The following PRKN variants were observed in gnomAD, a reference collection of about 807,000 sequenced individuals.
The protein encoded by PRKN is parkin RBR E3 ubiquitin protein ligase.
A neutral mutation model predicts 59.5 loss-of-function variants in PRKN; 56 were observed. That is an observed-to-expected ratio of 0.94 (90% CI 0.76 to 1.18). The LOEUF (loss-of-function observed/expected upper bound fraction) is 1.18, where lower values mean the gene tolerates loss of function less well. PRKN is among the 50% of genes most tolerant of loss of function. PRKN has a pLI of 0.00. For missense variants in PRKN, 657 were observed against 596.4 expected, an observed-to-expected ratio of 1.10 and a Z score of -1.06; for synonymous variants, 250 against 222.1, an observed-to-expected ratio of 1.13 and a Z score of -1.12.
At chr6:162,407,018 G>C (rs1376548948) in intron 2 of PRKN, among the ~76,000 whole-genome samples, 2 of 151,858 alleles carry the variant, frequency 1.3e-5, no homozygotes, top group African/African-American at 4.8e-5. Context: ...TGATAATTTT[G>C]TGCGGACAGT....
At chr6:161,851,593 T>C (rs1793436221) in intron 6 of PRKN, among the ~76,000 whole-genome samples, 1 of 151,742 alleles carries the variant, frequency 6.6e-6, no homozygotes, top group South Asian at 2.1e-4. Flanking sequence ...GTGATTCTCG[T>C]ACGTGCCTCA....
Position 161,760,732 on chromosome 6 carries a change from A to G in PRKN, c.871+25040T>C, listed in dbSNP as rs116091187. 5.9e-3 allele frequency among the ~76,000 whole-genome samples: 901 copies of G among 152,356 alleles called. 11 individuals are homozygous for G. Among genetic ancestry groups the G allele is most frequent in the African/African-American group, 0.021 (860 of 41,582 alleles). On this transcript the variant is annotated intron_variant, in intron 7 of 11. Coordinates refer to ENST00000366898, the MANE Select transcript of PRKN (RefSeq NM_004562.3). ...TGGCTGAACTAAGGAAAAGTCCTGC[A>G]ACATCAGAACCTTCAGTTCCGCATA...
At chr6:161,882,599 T>C (rs1014992442) in intron 6 of PRKN, among the ~76,000 whole-genome samples, 2 of 151,080 alleles carry the variant, frequency 1.3e-5, no homozygotes, top group African/African-American at 2.4e-5. Flanking sequence ...CAAGTTTCAC[T>C]TACTGTGGGA....
chr6:161,661,559 T>TA (rs1384008432), intron 7 of PRKN, among the ~76,000 whole-genome samples: 1 of 151,932 alleles, frequency 6.6e-6, no homozygotes, highest in African/African-American at 2.4e-5. Context: ...GCTTCCATTT[T>TA]TTTTTTTTCT....
At chr6:162,415,559 C>T (rs1788585580) in intron 2 of PRKN, among the ~76,000 whole-genome samples, 1 of 152,138 alleles carries the variant, frequency 6.6e-6, no homozygotes, top group Non-Finnish European at 1.5e-5. Context: ...ATGGCTCACA[C>T]CTGTAATCCC....
intron 1 of PRKN, among the ~76,000 whole-genome samples, chr6:162,707,174 G>C (rs532919074): frequency 1.3e-5 from 2 of 152,216 alleles, no homozygotes; most frequent in East Asian, 3.9e-4. Context: ...CCAAAATCAA[G>C]ATAATTCTTA....
chr6:161,640,337 T>C (rs2315550), intron 7 of PRKN, among the ~76,000 whole-genome samples: 66,785 of 151,846 alleles, frequency 0.44, 15,736 homozygotes, highest in African/African-American at 0.61. Flanking sequence ...ACAGATAAAG[T>C]GAAAATTCCA....
At chr6:162,235,824 G>A (rs62429395) in intron 3 of PRKN, among the ~76,000 whole-genome samples, 1,551 of 147,282 alleles carry the variant, frequency 0.011, 14 homozygotes, top group Non-Finnish European at 0.016. Context: ...GAAAGAAAGA[G>A]AGAGAGAGGG....
intron 4 of PRKN, among the ~76,000 whole-genome samples, chr6:162,091,216 C>T (rs970761170): frequency 1.3e-5 from 2 of 151,636 alleles, no homozygotes; most frequent in African/African-American, 4.8e-5. Flanking sequence ...AGTTACATGA[C>T]ATCTAAAAAT....
rs1554251118 is a variant in PRKN, at chr6:161,352,726, A to AGTGTGTGTATGTGTGT, written c.1286-2516_1286-2515insACACACATACACACAC. On this transcript the variant is annotated intron_variant, in intron 11 of 11. Transcript: ENST00000366898. The surrounding 1 kb of genome is among the most constrained non-coding windows in gnomAD (Gnocchi z 5.8). ...TATATAAACACAAATATGTATGAAG[A>AGTGTGTGTATGTGTGT]GTGTGTGTGTGTGTGTGTGTGTGTG... Among the ~76,000 whole-genome samples, 405 of 128,506 alleles carry AGTGTGTGTATGTGTGT rather than the reference A, an allele frequency of 3.2e-3. 3 individuals are homozygous for AGTGTGTGTATGTGTGT. Among genetic ancestry groups the AGTGTGTGTATGTGTGT allele is most frequent in the Non-Finnish European group, 3.8e-3 (234 of 61,060 alleles). 84.3% of individuals were successfully genotyped at this position (128,506 alleles called of 152,430 possible). A position where few individuals can be genotyped will look rare whatever the true frequency, so the allele number is the denominator to read the frequency against.
intron 1 of PRKN, among the ~76,000 whole-genome samples, chr6:162,679,813 C>A (rs2849531): frequency 6.6e-6 from 1 of 151,766 alleles, no homozygotes; most frequent in Non-Finnish European, 1.5e-5. Flanking sequence ...CCTGGGTGCC[C>A]TCTCTATTTT....
chr6:161,902,560 A>ATCTATTTTTTTTTTTTTT (rs1554245457), intron 6 of PRKN, among the ~76,000 whole-genome samples: 13 of 125,350 alleles, frequency 1.0e-4, no homozygotes, highest in African/African-American at 2.5e-4. Context: ...TTATTTATTT[A>ATCTATTTTTTTTTTTTTT]TTTATTTTTT....
At chr6:162,267,025 A>C (rs1780173940) in intron 2 of PRKN, among the ~76,000 whole-genome samples, 1 of 152,186 alleles carries the variant, frequency 6.6e-6, no homozygotes, top group Non-Finnish European at 1.5e-5. Context: ...GCCAGATGCC[A>C]TGAAACACGT....
At chr6:162,351,129 T>C (rs1784607491) in intron 2 of PRKN, among the ~76,000 whole-genome samples, 1 of 152,160 alleles carries the variant, frequency 6.6e-6, no homozygotes, top group Admixed American at 6.5e-5. Context: ...AGGTTGAGTC[T>C]GCAGTGATCC....
intron 9 of PRKN, among the ~76,000 whole-genome samples, chr6:161,412,362 C>T (rs1562430569): frequency 6.6e-6 from 1 of 150,762 alleles, no homozygotes; most frequent in South Asian, 2.1e-4. Context: ...GTCACTTATT[C>T]CTCCACTCAC....
chr6:162,517,205 A>G (rs1340793090), intron 1 of PRKN, among the ~76,000 whole-genome samples: 1 of 132,032 alleles, frequency 7.6e-6, no homozygotes, highest in Non-Finnish European at 1.6e-5. Context: ...TTAAATCAGA[A>G]TCTCTCGGGG....
intron 5 of PRKN, among the ~76,000 whole-genome samples, chr6:162,021,461 A>ATATTTTT (rs59250759): frequency 8.1e-5 from 2 of 24,662 alleles, no homozygotes; most frequent in African/African-American, 1.8e-4. Context: ...ATATATATAT[A>ATATTTTT]TTTTTTTTTT....
intron 6 of PRKN, among the ~76,000 whole-genome samples, chr6:161,917,653 T>C (rs10945789): frequency 0.086 from 13,022 of 152,228 alleles, 841 homozygotes; most frequent in East Asian, 0.34. Context: ...CTAAGAGATT[T>C]ACAGACAACA....
At chr6:161,513,889 G>T (rs1396873302) in intron 9 of PRKN, among the ~76,000 whole-genome samples, 1 of 151,984 alleles carries the variant, frequency 6.6e-6, no homozygotes, top group African/African-American at 2.4e-5. Flanking sequence ...CTATAAAATG[G>T]TGACAAATAG....
Sources: gnomAD v4.1 joint callset for allele counts (sites outside exome capture counted in the v4.1 genomes callset) on GRCh38, gnomAD v4.1.1 for gene constraint, Gnocchi (gnomAD v3.1) non-coding constraint, MANE v1.5 for transcripts, NCBI Gene and HGNC (gene_info 2026-07-23, HGNC 2026-07-21) for gene names.